ADGRB3: variants seen among roughly 807,000 people sequenced by gnomAD.
ADGRB3 encodes the protein brain-specific angiogenesis inhibitor 3.
ADGRB3 carries 37 observed loss-of-function variants against 193.4 expected under a neutral mutation model. That is an observed-to-expected ratio of 0.19 (90% confidence interval 0.15 to 0.25). The LOEUF (loss-of-function observed/expected upper bound fraction) is 0.25, where lower values mean the gene tolerates loss of function less well. Ranked by LOEUF, ADGRB3 falls within the 10% of genes least tolerant of loss-of-function variation. The probability of loss-of-function intolerance (pLI) is 1.00; values close to 1 mark genes in which losing one functional copy is unlikely to be tolerated. For synonymous variants in ADGRB3, 690 were observed against 644.2 expected (o/e 1.07, Z -1.08); for missense variants, 1,637 against 1,852.9 (o/e 0.88, Z 2.14).
chr6:69,333,847 G>A (rs1006345501), intron 24 of ADGRB3, among the ~76,000 whole-genome samples: 3 of 150,672 alleles, frequency 2.0e-5, no homozygotes, highest in Admixed American at 6.6e-5. Flanking sequence ...GGAGAATGGC[G>A]TGAACCTGGG....
At chr6:68,990,544 T>G (rs1368814193) in intron 10 of ADGRB3, among the ~76,000 whole-genome samples, 1 of 152,126 alleles carries the variant, frequency 6.6e-6, no homozygotes, top group African/African-American at 2.4e-5. Flanking sequence ...CAGATGGCAA[T>G]GACGTTAATT....
chr6:69,069,578 A>AAAAAAAAAAAAAAAAAC (rs1772014357), intron 16 of ADGRB3, among the ~76,000 whole-genome samples: 1 of 134,194 alleles, frequency 7.5e-6, no homozygotes, highest in African/African-American at 2.7e-5. Flanking sequence ...AAAAAAAAAA[A>AAAAAAAAAAAAAAAAAC]AAATTATCCG....
intron 8 of ADGRB3, among the ~76,000 whole-genome samples, chr6:68,957,277 G>A (rs1768102483): frequency 6.6e-6 from 1 of 152,082 alleles, no homozygotes; most frequent in African/African-American, 2.4e-5. Context: ...TGAAAGTCCT[G>A]CTACATTAAA....
Position 69,006,318 on chromosome 6 carries a change from C to A in ADGRB3, c.1930-7720C>A, listed in dbSNP as rs73467720. ...TGCAAATGTTATCAGCCAAGTGCAT[C>A]AGGGGAAAAAAAAACGAGATCTACT... On this transcript the variant is annotated intron_variant, in intron 11 of 31. Transcript: ENST00000370598. Among the ~76,000 whole-genome samples, 1,176 of 150,798 alleles carry A rather than the reference C, an allele frequency of 7.8e-3. 11 individuals are homozygous for A. The highest frequency in any genetic ancestry group is 0.025 in the African/African-American group (1,015 of 41,102).
At chr6:68,878,018 AC>A (rs1765637977) in intron 3 of ADGRB3, among the ~76,000 whole-genome samples, 1 of 152,120 alleles carries the variant, frequency 6.6e-6, no homozygotes, top group African/African-American at 2.4e-5. Flanking sequence ...TGAGTGCTTA[AC>A]TTTTACAGAG....
intron 5 of ADGRB3, among the ~76,000 whole-genome samples, chr6:68,937,040 A>G (rs1278262918): frequency 2.0e-5 from 3 of 152,206 alleles, no homozygotes. Context: ...TATAATGTAT[A>G]TTCATGGCTT....
intron 29 of ADGRB3, among the ~76,000 whole-genome samples, chr6:69,367,137 G>A (rs1769589096): frequency 6.6e-6 from 1 of 152,092 alleles, no homozygotes; most frequent in Non-Finnish European, 1.5e-5. Flanking sequence ...GAATTTTTCA[G>A]GCAAAAGAAA....
intron 11 of ADGRB3, among the ~76,000 whole-genome samples, chr6:68,995,674 G>A (rs1348664321): frequency 6.6e-6 from 1 of 152,124 alleles, no homozygotes; most frequent in Admixed American, 6.6e-5. Flanking sequence ...GCACGTTGGT[G>A]TCCTCGTCAT....
intron 11 of ADGRB3, among the ~76,000 whole-genome samples, chr6:68,997,987 A>T (rs963093278): frequency 1.8e-4 from 28 of 152,176 alleles, no homozygotes; most frequent in African/African-American, 6.3e-4. Context: ...ACAAATCCAT[A>T]GAATTGTATG....
intron 17 of ADGRB3, among the ~76,000 whole-genome samples, chr6:69,217,948 C>T (rs544194360): frequency 4.0e-5 from 6 of 151,758 alleles, no homozygotes; most frequent in Non-Finnish European, 5.9e-5. Flanking sequence ...ATGAGGAGCT[C>T]GCCTCACTCT....
At chr6:69,005,508 G>A (rs927671586) in intron 11 of ADGRB3, among the ~76,000 whole-genome samples, 1 of 152,116 alleles carries the variant, frequency 6.6e-6, no homozygotes, top group Non-Finnish European at 1.5e-5. Flanking sequence ...CAATGAGTCA[G>A]AGCTATAAGA....
At chr6:69,237,702 A>G (rs1416852280) in intron 19 of ADGRB3, among the ~76,000 whole-genome samples, 1 of 152,080 alleles carries the variant, frequency 6.6e-6, no homozygotes, top group Non-Finnish European at 1.5e-5. Flanking sequence ...AACCCTTTTC[A>G]TAATGTCATC....
At chr6:69,065,416 C>T (rs904228426) in intron 16 of ADGRB3, among the ~76,000 whole-genome samples, 1 of 152,106 alleles carries the variant, frequency 6.6e-6, no homozygotes, top group African/African-American at 2.4e-5. Flanking sequence ...ATCCATCTCA[C>T]TGTTGTCTGT....
intron 26 of ADGRB3, among the ~76,000 whole-genome samples, chr6:69,341,144 C>T (rs1768965873): frequency 6.6e-6 from 1 of 152,156 alleles, no homozygotes; most frequent in Non-Finnish European, 1.5e-5. Flanking sequence ...AATGGGAATG[C>T]TGGGTCAAAT....
intron 3 of ADGRB3, among the ~76,000 whole-genome samples, chr6:68,762,119 G>T (rs1182145295): frequency 6.6e-6 from 1 of 151,948 alleles, no homozygotes; most frequent in Admixed American, 6.6e-5. Context: ...TTCTTTCCAA[G>T]GTATTTTATA....
chr6:69,275,354 C>T (rs1767280038), intron 20 of ADGRB3, among the ~76,000 whole-genome samples: 1 of 151,702 alleles, frequency 6.6e-6, no homozygotes. Flanking sequence ...AGATTATTTG[C>T]ATTAAAAAAA....
At chr6:69,369,214 T>C (rs560300078) in intron 29 of ADGRB3, among the ~76,000 whole-genome samples, 1 of 152,266 alleles carries the variant, frequency 6.6e-6, no homozygotes, top group South Asian at 2.1e-4. Context: ...GGAATTAATA[T>C]TTTAGAGAGC....
intron 3 of ADGRB3, among the ~76,000 whole-genome samples, chr6:68,898,015 T>A (rs6931990): frequency 6.8e-6 from 1 of 147,072 alleles, no homozygotes; most frequent in African/African-American, 2.5e-5. Flanking sequence ...TGTATATATA[T>A]AGAGAGAGAG....
intron 20 of ADGRB3, among the ~76,000 whole-genome samples, chr6:69,302,393 A>T (rs2127297073): frequency 6.6e-6 from 1 of 151,886 alleles, no homozygotes; most frequent in Non-Finnish European, 1.5e-5. Flanking sequence ...TTTTTTCTGG[A>T]TTGGTTTCAT....
Sources: gnomAD v4.1 joint callset for allele counts (sites outside exome capture counted in the v4.1 genomes callset) on GRCh38, gnomAD v4.1.1 for gene constraint, MANE v1.5 for transcripts, NCBI Gene and HGNC (gene_info 2026-07-23, HGNC 2026-07-21) for gene names.